TCEANC: variants seen among roughly 807,000 people sequenced by gnomAD.
TCEANC encodes transcription elongation factor A N-terminal and central domain-containing protein.
Under a neutral mutation model 8.7 loss-of-function variants are expected in TCEANC, and 8 were observed. The ratio of observed to expected loss-of-function variants is 0.92; its 90% CI spans 0.54 to 1.65. The LOEUF (loss-of-function observed/expected upper bound fraction) is 1.65, where lower values mean the gene tolerates loss of function less well. Among genes scored for constraint, TCEANC ranks in the 40% most tolerant of loss-of-function variants. The pLI is 0.00. For synonymous variants in TCEANC, 78 were observed against 92.9 expected (o/e 0.84, Z 0.92); for missense variants, 255 against 251.9 (o/e 1.01, Z -0.08).
chrX:13,662,486 C>T lies in TCEANC; in HGVS notation c.-8-15C>T. On this transcript the variant is annotated splice_polypyrimidine_tract_variant and intron_variant, in intron 1 of 1. Transcript: ENST00000380600. ...GGCAAACTTAAGAAAACTGAAACCT[C>T]TTTTTTCTTTGCAGCTGTAAAGATG... 1.7e-6 allele frequency: 2 copies of T among 1,175,306 alleles called. No individual in the cohort carries two copies. Among genetic ancestry groups the T allele is most frequent in the East Asian group, 6.0e-5 (2 of 33,534 alleles).
In TCEANC at chrX:13,661,139, G is replaced by A. The variant is rs973950010; in HGVS notation, c.-8-1362G>A. Among the ~76,000 whole-genome samples the A allele has an allele frequency of 8.9e-6, 1 of 112,155 alleles. No homozygotes were observed. On this transcript the variant is annotated intron_variant, in intron 1 of 1. Coordinates refer to ENST00000380600, the Ensembl canonical transcript of TCEANC. ...GATTACAGGGTGAGTCACCATGCCCGGCCCATATGTTAACTGTTTAGTCTT... is the reference window on the plus strand; with the variant it reads ...GATTACAGGGTGAGTCACCATGCCCAGCCCATATGTTAACTGTTTAGTCTT...
At chrX:13,654,062 CTGTAAG>C (rs1249611494), upstream of TCEANC, among the ~76,000 whole-genome samples, 1 of 112,143 alleles carries the variant, frequency 8.9e-6, no homozygotes, top group African/African-American at 3.2e-5. Flanking sequence ...TTGAGATGTG[CTGTAAG>C]TGTAAGACAC....
At position 13,657,711 on chromosome X, in the gene TCEANC, G is replaced by T. The variant is rs755639256; in HGVS notation, c.-9+2338G>T. Among the ~76,000 whole-genome samples the T allele has an allele frequency of 1.6e-4, 17 of 109,296 alleles. No individual in the cohort carries two copies. In the South Asian group the frequency reaches 6.8e-3, roughly 44 times the overall value. 94.9% of individuals were successfully genotyped at this position (109,296 alleles called of 115,157 possible). A position where few individuals can be genotyped will look rare whatever the true frequency, so the allele number is the denominator to read the frequency against. On this transcript the variant is annotated intron_variant, in intron 1 of 1. Transcript: ENST00000380600. ...TAATCCTAGCTACTCAGGAGTCTGA[G>T]GCACGAGAATCACTTGAACCCAGGA...
chrX:13,656,692 C>T (rs964550184), intron 1 of TCEANC, among the ~76,000 whole-genome samples: 1 of 112,919 alleles, frequency 8.9e-6, no homozygotes, highest in Non-Finnish European at 1.9e-5. Context: ...AAGCCAGAAG[C>T]AACTCAAGTA....
chrX:13,656,998 G>C (rs146560922), intron 1 of TCEANC, among the ~76,000 whole-genome samples: 1 of 112,091 alleles, frequency 8.9e-6, no homozygotes, highest in African/African-American at 3.2e-5. Flanking sequence ...CAGTTTGGGA[G>C]GATGAAAAGA....
intron 1 of TCEANC, among the ~76,000 whole-genome samples, chrX:13,658,290 A>T (rs778793071): frequency 6.2e-4 from 70 of 112,120 alleles, no homozygotes; most frequent in African/African-American, 2.3e-3. Context: ...AAGCCACTGA[A>T]TTATACACTT....
upstream of TCEANC, among the ~76,000 whole-genome samples, chrX:13,654,080 G>A (rs2045905001): frequency 8.9e-6 from 1 of 112,616 alleles, no homozygotes; most frequent in South Asian, 3.6e-4. Flanking sequence ...GTAAGACACA[G>A]TGAATTTTCG....
intron 1 of TCEANC, among the ~76,000 whole-genome samples, chrX:13,656,625 G>A (rs1158834601): frequency 8.9e-6 from 1 of 112,620 alleles, no homozygotes; most frequent in Non-Finnish European, 1.9e-5. Flanking sequence ...TGAAAGCAGG[G>A]TCTCAAAGAG....
At chrX:13,657,373 G>C (rs1454549146) in intron 1 of TCEANC, among the ~76,000 whole-genome samples, 5 of 111,872 alleles carry the variant, frequency 4.5e-5, no homozygotes, top group African/African-American at 1.6e-4. Context: ...TAAAAATCGT[G>C]TTTTTAGAGA....
chrX:13,662,987 G>T, exon 2 of TCEANC: 1 of 1,210,972 alleles, frequency 8.3e-7, no homozygotes, highest in African/African-American at 1.7e-5. Context: ...GAATCCACTG[G>T]CAAGAGATCG....
rs1486887347 is a variant in TCEANC at position 13,656,677 on chromosome X, G to A, written c.-9+1304G>A. ...GCTCACAGCAGTGTTATTCACAATG[G>A]CCAAAAGCCAGAAGCAACTCAAGTA... On this transcript the variant is annotated intron_variant, in intron 1 of 1. Coordinates refer to ENST00000380600, the Ensembl canonical transcript of TCEANC. Among the ~76,000 whole-genome samples, 5 of 112,939 alleles carry A rather than the reference G, an allele frequency of 4.4e-5. No individual in the cohort carries two copies. In the East Asian group the frequency reaches 1.4e-3, roughly 31 times the overall value.
chrX:13,664,904 G>A (rs192560467), exon 2 of TCEANC: 2 of 123,060 alleles, frequency 1.6e-5, no homozygotes, highest in East Asian at 2.8e-4. Context: ...TTACTTTGGC[G>A]GTCTCTACAA....
In TCEANC at chrX:13,662,768, G is replaced by A. The variant is rs768340396; in HGVS notation, c.260G>A (p.Arg87Lys). 3 of 1,209,681 alleles carry A rather than the reference G, an allele frequency of 2.5e-6. No homozygotes were observed. The African/African-American group carries it at 5.2e-5, about 21-fold the overall frequency. The change falls in exon 2 of 2, where the codon AGG (arginine) becomes AAG (lysine). Residue 87 changes from arginine to lysine, a missense_variant. Transcript: ENST00000380600. ...TATAAGCAGACTCACTCCAAAGCGA[G>A]GAACAGCCCTAAATTATTTCCTGTG... is the stretch of plus-strand genomic sequence containing the variant.
At chrX:13,661,836 C>T (rs1044698856) in intron 1 of TCEANC, among the ~76,000 whole-genome samples, 2 of 111,805 alleles carry the variant, frequency 1.8e-5, no homozygotes, top group Admixed American at 1.9e-4. Context: ...TCATCTGGAT[C>T]ATTGAGTCTG....
At chrX:13,663,764 C>A (rs1008610778) in exon 2 of TCEANC, 2 of 388,433 alleles carry the variant, frequency 5.1e-6, no homozygotes, top group African/African-American at 2.6e-5. Flanking sequence ...TATATTGTGC[C>A]TTGTGGCCAT....
exon 2 of TCEANC, chrX:13,664,684 G>A (rs1411145904): frequency 1.6e-5 from 2 of 122,822 alleles, no homozygotes; most frequent in African/African-American, 3.3e-5. Flanking sequence ...TCTGTCAGAG[G>A]AAGCCCATCA....
At chrX:13,661,809 T>C (rs142300319) in intron 1 of TCEANC, among the ~76,000 whole-genome samples, 462 of 112,167 alleles carry the variant, frequency 4.1e-3, no homozygotes, top group African/African-American at 0.013. Flanking sequence ...AAGAACCAGT[T>C]AGTCTAAAGT....
chrX:13,657,487 A>T (rs1309896707), intron 1 of TCEANC, among the ~76,000 whole-genome samples: 1 of 112,760 alleles, frequency 8.9e-6, no homozygotes, highest in African/African-American at 3.2e-5. Context: ...CAGATTCAAG[A>T]TAAATGAAAA....
In TCEANC at chrX:13,656,864, G is replaced by A. The variant is rs1423723822; in HGVS notation, c.-9+1491G>A. On this transcript the variant is annotated intron_variant, in intron 1 of 1. Transcript: ENST00000380600. ...AGCCAGTCACAAAAAGAGAAATACT[G>A]TATGATTCCACTCACATGAAGTACC... 2.7e-5 allele frequency among the ~76,000 whole-genome samples: 3 copies of A among 112,813 alleles called. No individual in the cohort carries two copies. In the East Asian group the frequency reaches 8.3e-4, roughly 31 times the overall value.
Sources: gnomAD v4.1 joint callset for allele counts (sites outside exome capture counted in the v4.1 genomes callset) on GRCh38, gnomAD v4.1.1 for gene constraint, MANE v1.5 for transcripts, NCBI Gene and HGNC (gene_info 2026-07-23, HGNC 2026-07-21) for gene names.